Variants in MACF1 observed in about 807,000 individuals in gnomAD.
MACF1 encodes microtubule actin crosslinking factor 1, also known as microtubule-actin cross-linking factor 1.
A neutral mutation model predicts 854.8 loss-of-function variants in MACF1; 193 were observed. The ratio of observed to expected loss-of-function variants is 0.23; its 90% CI spans 0.20 to 0.25. MACF1 has a LOEUF of 0.25. Ranked by LOEUF, MACF1 falls within the 10% of genes least tolerant of loss-of-function variation. The pLI, the probability that MACF1 is intolerant of heterozygous loss-of-function variation, is 1.00. For synonymous variants in MACF1, 3,185 were observed against 3,226.7 expected, an observed-to-expected ratio of 0.99 and a Z score of 0.44; for missense variants, 7,722 against 8,929.1, an observed-to-expected ratio of 0.86 and a Z score of 5.45.
At chr1:39,211,544 G>C (rs1404377483) in intron 1 of MACF1, among the ~76,000 whole-genome samples, 1 of 152,096 alleles carries the variant, frequency 6.6e-6, no homozygotes, top group African/African-American at 2.4e-5. Flanking sequence ...TGGGATTACA[G>C]GCTTGAGCCA....
chr1:39,376,096 A>G (rs758352642), intron 52 of MACF1, among the ~76,000 whole-genome samples: 5 of 152,242 alleles, frequency 3.3e-5, no homozygotes, highest in Non-Finnish European at 5.9e-5. Flanking sequence ...ACACTCAAAA[A>G]TAACTTAAAA....
chr1:39,424,175 C>T lies in MACF1; in HGVS notation c.16297C>T (p.Leu5433Phe), dbSNP rs745379506. ...TCTTGAAAGTAGATGGACTGAACTA[C>T]TCAGTAAGGCAGCAGCCAGGTAAGA... Reference protein sequence around the residue: ...ESLESRWTELLSKAAARQKQL... With the variant: ...ESLESRWTELFSKAAARQKQL... The change falls in exon 61 of 101, where the codon CTC becomes TTC. Residue 5433 changes from leucine (L) to phenylalanine (F), a missense_variant. Leu to Phe is a conservative substitution (Grantham distance 22). Around this residue, in one of 15 missense-constraint regions of MACF1, gnomAD observed 2,807 missense variants for 3,235.8 expected, o/e 0.87. Transcript: ENST00000564288. 7.4e-6 allele frequency: 12 copies of T among 1,613,452 alleles called. No individual in the cohort carries two copies. In the South Asian group the frequency reaches 1.3e-4, roughly 18 times the overall value.
At position 39,439,517 on chromosome 1, in the gene MACF1, AC is replaced by A. The variant is rs1644055157; in HGVS notation, c.18447+20del. 4.4e-6 allele frequency: 7 copies of A among 1,598,604 alleles called. No homozygotes were observed. Among genetic ancestry groups the A allele is most frequent in the Non-Finnish European group, 6.0e-6 (7 of 1,167,284 alleles). ...GCTGCTGAGGTAAGAAGGAAACAAA[AC>A]CCTTTTTCTTAGGTGTCTGTCCTCT... On this transcript the variant is annotated intron_variant, in intron 72 of 100. Coordinates refer to ENST00000564288, the MANE Select transcript of MACF1 (RefSeq NM_001394062.1).
chr1:39,387,488 C>T lies in MACF1; in HGVS notation c.14646C>T (p.Asn4882=), dbSNP rs1261246349. 2.5e-6 allele frequency: 4 copies of T among 1,613,978 alleles called. No homozygotes were observed. Among genetic ancestry groups the T allele is most frequent in the Non-Finnish European group, 3.4e-6 (4 of 1,180,020 alleles). The stretch of plus-strand genomic sequence containing the variant: ...AAAACCAGTTGGTTGAGCTCAAAAA[C>T]CATTGGGAAGAGCTTAGTAAAAAAA... ...TLQNQLVELK[N]HWEELSKKTA... is the part of the protein sequence containing the mutation. Residue 4882 remains asparagine, a synonymous_variant, in exon 58 of 101, where the codon AAC becomes AAT. Coordinates refer to ENST00000564288, the MANE Select transcript of MACF1 (RefSeq NM_001394062.1).
chr1:39,110,234 T>TC (rs1478204562), intron 2 of MACF1, among the ~76,000 whole-genome samples: 1 of 142,288 alleles, frequency 7.0e-6, no homozygotes, highest in East Asian at 2.0e-4. Context: ...GTTGTTCTTT[T>TC]TTTTTTTTTT....
At chr1:39,225,244 C>CT (rs1644702538) in intron 1 of MACF1, among the ~76,000 whole-genome samples, 1 of 108,482 alleles carries the variant, frequency 9.2e-6, no homozygotes, top group Non-Finnish European at 1.8e-5. Flanking sequence ...GAGTCTCGCT[C>CT]TGTCGCCCAG....
In MACF1 at chr1:39,388,557, G is replaced by A; in HGVS notation, c.15715G>A (p.Gly5239Arg). The stretch of plus-strand genomic sequence containing the variant: ...AGAGGACTTCTACAGGAAATTGAAA[G>A]GACTCAATGACGCGACCACAGCAGC... ...RVEDFYRKLK[G>R]LNDATTAAEE... Residue 5239 changes from glycine (G) to arginine (R), a missense_variant, in exon 58 of 101, where the codon GGA (glycine) becomes AGA (arginine). Gly to Arg is a moderately radical substitution (Grantham distance 125, BLOSUM62 -2). Coordinates refer to ENST00000564288, the MANE Select transcript of MACF1 (RefSeq NM_001394062.1). The A allele has an allele frequency of 6.2e-7, 1 of 1,614,094 alleles. No homozygotes were observed. Among genetic ancestry groups the A allele is most frequent in the Non-Finnish European group, 8.5e-7 (1 of 1,180,024 alleles).
rs1298227830 is a variant in MACF1 at position 39,424,603 on chromosome 1, A to G, written c.16316+409A>G. ...ATTTCTTTTCTATTAGCTTATAGTA[A>G]TATTAGATTTTTTTGCCTTTAGGAG... On this transcript the variant is annotated intron_variant, in intron 61 of 100. Transcript: ENST00000564288. Among the ~76,000 whole-genome samples the G allele has an allele frequency of 2.6e-5, 4 of 152,178 alleles. No individual in the cohort carries two copies. The East Asian group carries it at 5.8e-4, about 22-fold the overall frequency.
chr1:39,308,500 A>AT (rs1270392361), intron 23 of MACF1, among the ~76,000 whole-genome samples: 1 of 151,682 alleles, frequency 6.6e-6, no homozygotes, highest in Non-Finnish European at 1.5e-5. Context: ...TATATCTCAC[A>AT]TTTTTTTCTC....
At chr1:39,093,747 G>A (rs781344572) in intron 2 of MACF1, among the ~76,000 whole-genome samples, 7 of 151,866 alleles carry the variant, frequency 4.6e-5, no homozygotes, top group Non-Finnish European at 5.9e-5. Flanking sequence ...GCCTCCCAAA[G>A]TGCTGGGATT....
At chr1:39,270,743 A>G (rs1645300113) in intron 6 of MACF1, among the ~76,000 whole-genome samples, 1 of 152,164 alleles carries the variant, frequency 6.6e-6, no homozygotes, top group Non-Finnish European at 1.5e-5. Context: ...CCTTGCCTAG[A>G]TGGGGGCCAC....
At position 39,394,180 on chromosome 1, in the gene MACF1, C is replaced by T. The variant is rs115092850; in HGVS notation, c.15816+5522C>T. ...GTCTCAGTATACTTGAAGTTTCTAC[C>T]GGGGGACCTAGGTATCCTACTATGA... On this transcript the variant is annotated intron_variant, in intron 58 of 100. Transcript: ENST00000564288. 5.0e-3 allele frequency among the ~76,000 whole-genome samples: 760 copies of T among 152,256 alleles called. 7 individuals are homozygous for T. Among genetic ancestry groups the T allele is most frequent in the African/African-American group, 0.018 (729 of 41,538 alleles).
chr1:39,110,133 G>A (rs1642357204), intron 2 of MACF1, among the ~76,000 whole-genome samples: 1 of 151,702 alleles, frequency 6.6e-6, no homozygotes, highest in South Asian at 2.1e-4. Context: ...GAAAATATGG[G>A]TTGAGGATTT....
chr1:39,334,260 C>T lies in MACF1; in HGVS notation c.7672C>T (p.Pro2558Ser), dbSNP rs1646775137. The T allele has an allele frequency of 1.9e-6, 3 of 1,613,806 alleles. No individual in the cohort carries two copies. In the South Asian group the frequency reaches 3.3e-5, roughly 18 times the overall value. ...NPETKENISLPKAIKLDLITS... is the reference protein window; with the variant it reads ...NPETKENISLSKAIKLDLITS... ...TGAAACGAAGGAAAATATTTCCCTC[C>T]CTAAAGCCATAAAATTAGATCTTAT... is the stretch of plus-strand genomic sequence containing the variant. Residue 2558 changes from proline (P) to serine (S), a missense_variant, in exon 37 of 101, where the codon CCT (proline) becomes TCT (serine). By Grantham distance (74) the Pro-to-Ser change is moderately conservative. This residue lies in a region of MACF1 where 1,531 missense variants were observed against 1,601.6 expected (regional missense o/e 0.96). Transcript: ENST00000564288.
intron 2 of MACF1, among the ~76,000 whole-genome samples, chr1:39,156,627 C>CA (rs1643693192): frequency 6.6e-6 from 1 of 151,690 alleles, no homozygotes; most frequent in African/African-American, 2.4e-5. Flanking sequence ...TCAAAAACAA[C>CA]AAAAAAAGAA....
rs139676942 is a variant in MACF1, at chr1:39,428,011, C to A, written c.16527C>A (p.Val5509=). ...ATGCAACAGATGTGCACCAGGCAGTCAAAATTGGGCAGTCCCTCTCCTCCC... is the reference window on the plus strand; with the variant it reads ...ATGCAACAGATGTGCACCAGGCAGTAAAAATTGGGCAGTCCCTCTCCTCCC... ...ENHATDVHQA[V]KIGQSLSSLT... Residue 5509 remains valine (V), a synonymous_variant, in exon 63 of 101, where the codon GTC becomes GTA. Coordinates refer to ENST00000564288, the MANE Select transcript of MACF1 (RefSeq NM_001394062.1). 5.1e-4 allele frequency: 819 copies of A among 1,614,152 alleles called. 5 individuals carry two copies. The East Asian group carries it at 0.014, about 27-fold the overall frequency.
rs1644110500 is a variant in MACF1 at position 39,441,265 on chromosome 1, G to C, written c.18612G>C (p.Glu6204Asp). Residue 6204 changes from glutamate to aspartate, a missense_variant, in exon 74 of 101, where the codon GAG (glutamate) becomes GAC (aspartate). Physicochemically the swap from Glu to Asp is conservative, Grantham distance 45 (BLOSUM62 2). Around this residue, in one of 15 missense-constraint regions of MACF1, gnomAD observed 2,807 missense variants for 3,235.8 expected, o/e 0.87. Transcript: ENST00000564288. ...AGAACTTAAACAAAACATGGAAAGAGAGGCTAGAAAAACTTGAGGATGCTA... is the reference window on the plus strand; with the variant it reads ...AGAACTTAAACAAAACATGGAAAGACAGGCTAGAAAAACTTGAGGATGCTA... The part of the protein sequence containing the change: ...AWENLNKTWK[E>D]RLEKLEDAMQ... 3.1e-6 allele frequency: 5 copies of C among 1,614,066 alleles called. No individual in the cohort carries two copies. The highest frequency in any genetic ancestry group is 1.7e-5 in the Admixed American group (1 of 60,006).
rs960318294 is a variant in MACF1 at position 39,295,938 on chromosome 1, G to T, written c.2355+56G>T. 1.0e-5 allele frequency: 15 copies of T among 1,474,202 alleles called. No homozygotes were observed. In the Admixed American group the frequency reaches 2.7e-4, roughly 27 times the overall value. The allele number at this position is 1,474,202 out of a possible 1,614,324, so 91.3% of individuals were successfully genotyped here. Reference sequence around the variant, plus strand: ...TGTACATATGTATGTTAAAGGTGAGGTTACAAACACATCTGCGTTAGTGTG... The same window carrying T: ...TGTACATATGTATGTTAAAGGTGAGTTTACAAACACATCTGCGTTAGTGTG... On this transcript the variant is annotated intron_variant, in intron 20 of 100. Coordinates refer to ENST00000564288, the MANE Select transcript of MACF1 (RefSeq NM_001394062.1).
At chr1:39,400,580 C>T (rs1222195100) in intron 58 of MACF1, among the ~76,000 whole-genome samples, 1 of 151,704 alleles carries the variant, frequency 6.6e-6, no homozygotes, top group Non-Finnish European at 1.5e-5. Context: ...GATCATGGCT[C>T]ACTGCAGCCT....
Sources: allele counts gnomAD v4.1 joint callset (sites outside exome capture counted in the v4.1 genomes callset), GRCh38; gene constraint gnomAD v4.1.1; regional missense constraint gnomAD v4.1.1; transcripts MANE v1.5; gene names NCBI Gene and HGNC (gene_info 2026-07-23, HGNC 2026-07-21).